The following ADAMTSL3 variants were observed in gnomAD, a reference collection of about 807,000 sequenced individuals.
ADAMTSL3 encodes ADAMTS-like protein 3.
In ADAMTSL3, 128 loss-of-function variants were observed where a neutral mutation model predicts 201.7. The ratio of observed to expected loss-of-function variants is 0.63; its 90% confidence interval spans 0.55 to 0.73. The LOEUF (loss-of-function observed/expected upper bound fraction) is 0.73, where lower values mean the gene tolerates loss of function less well. Among genes scored for constraint, ADAMTSL3 ranks in the 30% least tolerant of loss-of-function variants. ADAMTSL3 has a pLI of 0.00. For synonymous variants in ADAMTSL3, 738 were observed against 748.4 expected, an observed-to-expected ratio of 0.99 and a Z score of 0.23; for missense variants, 1,990 against 2,119.6, an observed-to-expected ratio of 0.94 and a Z score of 1.20.
intron 6 of ADAMTSL3, among the ~76,000 whole-genome samples, chr15:83,826,034 G>A (rs1036185017): frequency 2.6e-5 from 4 of 152,228 alleles, no homozygotes; most frequent in African/African-American, 9.6e-5. Context: ...AGAAGGTCAA[G>A]TATGGGATAA....
Position 83,819,844 on chromosome 15 carries a change from C to T in ADAMTSL3, c.397C>T (p.Gln133Ter), listed in dbSNP as rs746990818. The stretch of plus-strand genomic sequence containing the variant: ...TCCAGATGCAGAAGATTTCAGAGCC[C>T]AGCAGTGCTCAGCCTACAATGATGT... ...CPPDAEDFRA[Q>*]QCSAYNDVQY... is the part of the protein sequence containing the mutation. The change falls in exon 6 of 30, where the codon CAG (glutamine) becomes TAG (stop). Residue 133 changes from glutamine to a stop codon, truncating the protein, a stop_gained. Coordinates refer to ENST00000286744, the MANE Select transcript of ADAMTSL3 (RefSeq NM_207517.3). LOFTEE classifies it high-confidence loss of function. The T allele has an allele frequency of 3.1e-6, 5 of 1,613,986 alleles. No individual in the cohort carries two copies. The highest frequency in any genetic ancestry group is 3.4e-6 in the Non-Finnish European group (4 of 1,180,028).
intron 17 of ADAMTSL3, among the ~76,000 whole-genome samples, chr15:83,930,604 A>G (rs192517735): frequency 6.6e-6 from 1 of 152,334 alleles, no homozygotes; most frequent in East Asian, 1.9e-4. Flanking sequence ...TTGCCCACAG[A>G]GCTTCCAAGC....
At chr15:83,988,617 T>C (rs1228314731) in intron 21 of ADAMTSL3, 74 bp from the exon 22 acceptor site, 1 of 1,329,564 alleles carries the variant, frequency 7.5e-7, no homozygotes, top group Admixed American at 2.2e-5. Flanking sequence ...CAGTCTTCTT[T>C]CTCTGCAACT....
rs781447180 is a variant in ADAMTSL3 at position 83,655,769 on chromosome 15, C to G, written c.8C>G (p.Ser3Cys). 1.2e-6 allele frequency: 2 copies of G among 1,614,100 alleles called. No homozygotes were observed. The highest frequency in any genetic ancestry group is 2.2e-5 in the South Asian group (2 of 91,064). ...CGGAGGAGACTAGACCCCATGGCTT[C>G]CTGGACGAGCCCCTGGTGGGTGCTG... MA[S>C]WTSPWWVLIG... is the part of the protein sequence containing the mutation. The change falls in exon 2 of 30, where the codon TCC becomes TGC. Residue 3 changes from serine (S) to cysteine (C), a missense_variant. Coordinates refer to ENST00000286744, the MANE Select transcript of ADAMTSL3 (RefSeq NM_207517.3).
chr15:83,860,806 T>C (rs549941166), intron 8 of ADAMTSL3, among the ~76,000 whole-genome samples: 1 of 152,224 alleles, frequency 6.6e-6, no homozygotes, highest in East Asian at 1.9e-4. Context: ...CTGGGGAGTG[T>C]CGGAGAGTGG....
At chr15:83,683,450 T>C (rs1484837596) in intron 2 of ADAMTSL3, among the ~76,000 whole-genome samples, 1 of 152,218 alleles carries the variant, frequency 6.6e-6, no homozygotes, top group Non-Finnish European at 1.5e-5. Flanking sequence ...TATCCCATCA[T>C]GTAATTATTT....
intron 4 of ADAMTSL3, among the ~76,000 whole-genome samples, chr15:83,792,971 GTA>G: frequency 6.6e-6 from 1 of 152,202 alleles, no homozygotes; most frequent in East Asian, 1.9e-4. Context: ...AAAGAAAATG[GTA>G]TATATACACA....
intron 3 of ADAMTSL3, among the ~76,000 whole-genome samples, chr15:83,748,716 G>C (rs925155740): frequency 6.9e-6 from 1 of 144,200 alleles, no homozygotes; most frequent in Non-Finnish European, 1.5e-5. Context: ...AAAGAAAGAA[G>C]AAAGAAACAC....
intron 3 of ADAMTSL3, among the ~76,000 whole-genome samples, chr15:83,752,882 G>GT (rs2062660206): frequency 6.6e-6 from 1 of 152,226 alleles, no homozygotes; most frequent in South Asian, 2.1e-4. Flanking sequence ...TCGCCTTTAG[G>GT]TTTGTTCAAC....
intron 23 of ADAMTSL3, among the ~76,000 whole-genome samples, chr15:83,992,886 C>T (rs2067607010): frequency 6.6e-6 from 1 of 152,170 alleles, no homozygotes. Flanking sequence ...AGCACTGCTG[C>T]CTAGATGGAG....
At chr15:83,669,178 C>T (rs955941087) in intron 2 of ADAMTSL3, among the ~76,000 whole-genome samples, 1 of 152,176 alleles carries the variant, frequency 6.6e-6, no homozygotes, top group Non-Finnish European at 1.5e-5. Context: ...CGGAGTCTCA[C>T]TCGGCTGCCC....
intron 4 of ADAMTSL3, among the ~76,000 whole-genome samples, chr15:83,778,841 A>G (rs7173594): frequency 0.023 from 3,554 of 152,292 alleles, 144 homozygotes; most frequent in African/African-American, 0.081. Context: ...TAAAGAACCA[A>G]GACCCATTGG....
At chr15:83,769,542 G>A (rs2062944831) in intron 3 of ADAMTSL3, among the ~76,000 whole-genome samples, 1 of 152,168 alleles carries the variant, frequency 6.6e-6, no homozygotes, top group Non-Finnish European at 1.5e-5. Context: ...TATTCCTGAT[G>A]ACAGATTTGA....
chr15:83,681,111 T>A (rs2061471124), intron 2 of ADAMTSL3, among the ~76,000 whole-genome samples: 1 of 152,246 alleles, frequency 6.6e-6, no homozygotes, highest in African/African-American at 2.4e-5. Context: ...ACACTTTTCC[T>A]TGGATCTGAT....
intron 19 of ADAMTSL3, among the ~76,000 whole-genome samples, chr15:83,956,191 G>A (rs1484170084): frequency 6.6e-6 from 1 of 152,146 alleles, no homozygotes; most frequent in African/African-American, 2.4e-5. Flanking sequence ...CACTGTGACA[G>A]GGCAGCACTG....
rs191458040 is a variant in ADAMTSL3, at chr15:83,780,358, C to T, written c.317+6708C>T. Among the ~76,000 whole-genome samples, 777 of 148,804 alleles carry T rather than the reference C, an allele frequency of 5.2e-3. 1 individual carries two copies. The highest frequency in any genetic ancestry group is 0.01 in the Middle Eastern group (3 of 290). On this transcript the variant is annotated intron_variant, in intron 4 of 29. Coordinates refer to ENST00000286744, the MANE Select transcript of ADAMTSL3 (RefSeq NM_207517.3). ...CCAGGAGGCAGAGGTTGCAGTGAGCCAAGATCCTGCCATTGCACTGCAGCC... is the reference window on the plus strand; with the variant it reads ...CCAGGAGGCAGAGGTTGCAGTGAGCTAAGATCCTGCCATTGCACTGCAGCC...
chr15:84,037,400 A>G (rs1352314167), intron 29 of ADAMTSL3, among the ~76,000 whole-genome samples: 1 of 152,214 alleles, frequency 6.6e-6, no homozygotes, highest in East Asian at 1.9e-4. Context: ...TGTAGCATTC[A>G]TAAGTTTTTC....
intron 3 of ADAMTSL3, among the ~76,000 whole-genome samples, chr15:83,706,491 A>G (rs1224535192): frequency 6.6e-6 from 1 of 152,152 alleles, no homozygotes; most frequent in African/African-American, 2.4e-5. Context: ...AGACTATAAC[A>G]AGCCAATAAT....
Position 83,982,440 on chromosome 15 carries a change from C to T in ADAMTSL3, c.2812C>T (p.Arg938Ter), listed in dbSNP as rs763166250. The part of the protein sequence containing the change: ...TSVIIKCPVR[R>*]FQKSLIQWEK... ...CGTGATTATTAAGTGCCCCGTGCGA[C>T]GATTCCAGAAATCTCTGATCCAGTG... Residue 938 changes from arginine to a stop codon, truncating the protein, a stop_gained, in exon 21 of 30, where the codon CGA becomes TGA. Transcript: ENST00000286744. LOFTEE classifies it high-confidence loss of function. 1.7e-5 allele frequency: 27 copies of T among 1,614,132 alleles called. No individual in the cohort carries two copies. Among genetic ancestry groups the T allele is most frequent in the Non-Finnish European group, 2.1e-5 (25 of 1,180,030 alleles).
Sources: gnomAD v4.1 joint callset for allele counts (sites outside exome capture counted in the v4.1 genomes callset) on GRCh38, gnomAD v4.1.1 for gene constraint, MANE v1.5 for transcripts, NCBI Gene and HGNC (gene_info 2026-07-23, HGNC 2026-07-21) for gene names.